SGCZ: variants seen among roughly 807,000 people sequenced by gnomAD.
SGCZ encodes the protein sarcoglycan zeta, also known as zeta-sarcoglycan.
A neutral mutation model predicts 41.3 loss-of-function variants in SGCZ; 40 were observed. The observed-to-expected ratio is 0.97, with a 90% CI of 0.75 to 1.26. The LOEUF is 1.26. SGCZ is among the 50% of genes most tolerant of loss of function. The probability of loss-of-function intolerance (pLI) is 0.00; values close to 1 mark genes in which losing one functional copy is unlikely to be tolerated. For missense variants in SGCZ, 552 were observed against 369.8 expected (o/e 1.49, Z -4.04); for synonymous variants, 206 against 137.5 (o/e 1.50, Z -3.49).
At chr8:14,549,305 T>C (rs530249605) in intron 2 of SGCZ, among the ~76,000 whole-genome samples, 1 of 152,208 alleles carries the variant, frequency 6.6e-6, no homozygotes, top group South Asian at 2.1e-4. Flanking sequence ...ACAGAAATTA[T>C]GCTGTTTTTC....
chr8:14,362,069 G>A (rs1803535037), intron 2 of SGCZ, among the ~76,000 whole-genome samples: 2 of 152,134 alleles, frequency 1.3e-5, no homozygotes, highest in Non-Finnish European at 2.9e-5. Flanking sequence ...TCATCTCAGA[G>A]GGGCACCTGC....
chr8:14,492,627 T>C (rs2117032598), intron 2 of SGCZ, among the ~76,000 whole-genome samples: 1 of 152,286 alleles, frequency 6.6e-6, no homozygotes, highest in Admixed American at 6.5e-5. Context: ...TCTCACTAAC[T>C]TTTCTTGAGT....
chr8:15,163,321 G>GA (rs895403594), intron 1 of SGCZ, among the ~76,000 whole-genome samples: 2 of 152,182 alleles, frequency 1.3e-5, no homozygotes, highest in African/African-American at 4.8e-5. Context: ...CAGAGCTGAG[G>GA]AAACTGAGGC....
chr8:15,194,402 G>C (rs1300447750), intron 1 of SGCZ, among the ~76,000 whole-genome samples: 2 of 152,108 alleles, frequency 1.3e-5, no homozygotes, highest in Non-Finnish European at 2.9e-5. Context: ...TGTGTGGTAG[G>C]TACAATAATA....
chr8:14,841,143 T>C (rs1172421793), intron 1 of SGCZ, among the ~76,000 whole-genome samples: 1 of 152,050 alleles, frequency 6.6e-6, no homozygotes, highest in Admixed American at 6.6e-5. Flanking sequence ...AACTAGGTTA[T>C]TTAAGTTTAA....
chr8:14,378,914 G>A (rs1288615768), intron 2 of SGCZ, among the ~76,000 whole-genome samples: 1 of 152,096 alleles, frequency 6.6e-6, no homozygotes, highest in African/African-American at 2.4e-5. Context: ...TGACTTATAA[G>A]AGCTTTTTAC....
At chr8:15,224,371 G>A (rs757286006) in intron 1 of SGCZ, among the ~76,000 whole-genome samples, 1 of 151,862 alleles carries the variant, frequency 6.6e-6, no homozygotes, top group Non-Finnish European at 1.5e-5. Flanking sequence ...AATCAAGACA[G>A]TGTAATACTT....
At chr8:15,167,401 T>C (rs1799698365) in intron 1 of SGCZ, among the ~76,000 whole-genome samples, 1 of 152,084 alleles carries the variant, frequency 6.6e-6, no homozygotes, top group Non-Finnish European at 1.5e-5. Flanking sequence ...CAGTAAAGAC[T>C]GTCACTTTCT....
chr8:14,822,058 A>C (rs768964411), intron 1 of SGCZ, among the ~76,000 whole-genome samples: 62 of 146,374 alleles, frequency 4.2e-4, no homozygotes, highest in Non-Finnish European at 6.9e-4. Flanking sequence ...TTTAAATATA[A>C]AAAACCCTAA....
At chr8:15,160,642 A>T (rs1799484350) in intron 1 of SGCZ, among the ~76,000 whole-genome samples, 1 of 152,140 alleles carries the variant, frequency 6.6e-6, no homozygotes. Flanking sequence ...ACATTTTCAC[A>T]TTAAAACTAT....
intron 1 of SGCZ, among the ~76,000 whole-genome samples, chr8:14,808,854 G>C (rs1444729210): frequency 6.6e-6 from 1 of 151,754 alleles, no homozygotes; most frequent in Admixed American, 6.6e-5. Context: ...TGATAGACTG[G>C]ATTAAGAAAA....
chr8:14,270,897 G>A, intron 3 of SGCZ, among the ~76,000 whole-genome samples: 1 of 152,090 alleles, frequency 6.6e-6, no homozygotes, highest in Non-Finnish European at 1.5e-5. Flanking sequence ...GTACTTTGTA[G>A]GGACATGGAT....
At chr8:14,253,908 G>A (rs1177621935) in intron 3 of SGCZ, among the ~76,000 whole-genome samples, 1 of 145,868 alleles carries the variant, frequency 6.9e-6, no homozygotes, top group Non-Finnish European at 1.5e-5. Context: ...TTTTTTACAT[G>A]TAAAAAATTA....
intron 4 of SGCZ, among the ~76,000 whole-genome samples, chr8:14,216,578 G>A (rs1563191132): frequency 6.6e-6 from 1 of 152,212 alleles, no homozygotes; most frequent in South Asian, 2.1e-4. Flanking sequence ...GACTTAGCGG[G>A]ATTTATTCTA....
intron 1 of SGCZ, among the ~76,000 whole-genome samples, chr8:14,878,051 T>A (rs1471500907): frequency 6.6e-6 from 1 of 152,098 alleles, no homozygotes; most frequent in African/African-American, 2.4e-5. Context: ...ACAGGGATGT[T>A]CCCTGTCCTA....
intron 1 of SGCZ, among the ~76,000 whole-genome samples, chr8:15,100,863 C>A (rs190708258): frequency 6.6e-6 from 1 of 152,102 alleles, no homozygotes; most frequent in African/African-American, 2.4e-5. Flanking sequence ...GTGGCGCACA[C>A]CTATGGTCCC....
intron 3 of SGCZ, among the ~76,000 whole-genome samples, chr8:14,239,720 G>A (rs1034081930): frequency 6.6e-6 from 1 of 151,014 alleles, no homozygotes; most frequent in Non-Finnish European, 1.5e-5. Flanking sequence ...GGCTAAAACG[G>A]TGAAACCCCG....
At chr8:14,527,898 CA>C (rs899313066) in intron 2 of SGCZ, among the ~76,000 whole-genome samples, 3 of 151,558 alleles carry the variant, frequency 2.0e-5, no homozygotes, top group African/African-American at 7.3e-5. Context: ...TAAAATAGTC[CA>C]AAAAAAGTGG....
intron 1 of SGCZ, among the ~76,000 whole-genome samples, chr8:14,780,154 C>G (rs370030644): frequency 6.6e-6 from 1 of 152,002 alleles, no homozygotes; most frequent in Admixed American, 6.6e-5. Flanking sequence ...CCGGGCGGAT[C>G]ACGAGGTCAG....
Sources: gnomAD v4.1 joint callset for allele counts (sites outside exome capture counted in the v4.1 genomes callset) on GRCh38, gnomAD v4.1.1 for gene constraint, MANE v1.5 for transcripts, NCBI Gene and HGNC (gene_info 2026-07-23, HGNC 2026-07-21) for gene names.